Variants in SPOCK3 observed in about 807,000 individuals in gnomAD.
The protein encoded by SPOCK3 is testican-3.
A neutral mutation model predicts 56.6 loss-of-function variants in SPOCK3; 30 were observed. The observed-to-expected ratio is 0.53, with a 90% confidence interval of 0.40 to 0.72. The LOEUF (loss-of-function observed/expected upper bound fraction) is 0.72. Among genes scored for constraint, SPOCK3 ranks in the 30% least tolerant of loss-of-function variants. SPOCK3 has a pLI of 0.00. For missense variants in SPOCK3, 527 were observed against 530.0 expected, an observed-to-expected ratio of 0.99 and a Z score of 0.06; for synonymous variants, 196 against 183.3, an observed-to-expected ratio of 1.07 and a Z score of -0.56.
chr4:166,857,582 C>T (rs1730824570), intron 6 of SPOCK3, among the ~76,000 whole-genome samples: 1 of 152,074 alleles, frequency 6.6e-6, no homozygotes, highest in South Asian at 2.1e-4. Flanking sequence ...CATCTTCTTT[C>T]CTGCAACTGA....
At chr4:167,174,246 T>C (rs954701006) in intron 2 of SPOCK3, among the ~76,000 whole-genome samples, 1 of 152,006 alleles carries the variant, frequency 6.6e-6, no homozygotes, top group Non-Finnish European at 1.5e-5. Context: ...ATAAAGCAAA[T>C]AGCAATTTTA....
At chr4:166,867,112 TG>T (rs1054624943) in intron 6 of SPOCK3, among the ~76,000 whole-genome samples, 5 of 152,038 alleles carry the variant, frequency 3.3e-5, no homozygotes, top group African/African-American at 1.2e-4. Flanking sequence ...AGACATCTGA[TG>T]AAGGCATCAT....
chr4:167,147,998 G>A (rs1764116285), intron 2 of SPOCK3, among the ~76,000 whole-genome samples: 1 of 152,004 alleles, frequency 6.6e-6, no homozygotes, highest in African/African-American at 2.4e-5. Context: ...GAAAAATACT[G>A]CCGATAAAAC....
chr4:167,230,124 CT>C (rs923893566), intron 2 of SPOCK3, among the ~76,000 whole-genome samples: 2 of 151,348 alleles, frequency 1.3e-5, no homozygotes, highest in African/African-American at 2.4e-5. Flanking sequence ...CATATTTTAT[CT>C]TTTTTTGTCA....
chr4:167,121,888 TAA>T (rs1019681210), intron 2 of SPOCK3, among the ~76,000 whole-genome samples: 2 of 152,158 alleles, frequency 1.3e-5, no homozygotes, highest in African/African-American at 4.8e-5. Flanking sequence ...AAAACTATTA[TAA>T]GTGTCATACA....
At chr4:166,767,773 A>G (rs1472759715) in intron 7 of SPOCK3, among the ~76,000 whole-genome samples, 1 of 152,168 alleles carries the variant, frequency 6.6e-6, no homozygotes, top group African/African-American at 2.4e-5. Flanking sequence ...TGATCTGTCT[A>G]ATGTTGACAG....
At chr4:166,925,791 T>C (rs569961961) in intron 4 of SPOCK3, among the ~76,000 whole-genome samples, 34 of 152,232 alleles carry the variant, frequency 2.2e-4, no homozygotes, top group African/African-American at 7.2e-4. Flanking sequence ...CAACAAAATA[T>C]ACCTCAGAGT....
At chr4:166,940,105 C>A (rs1579724315) in intron 4 of SPOCK3, among the ~76,000 whole-genome samples, 1 of 152,080 alleles carries the variant, frequency 6.6e-6, no homozygotes, top group Non-Finnish European at 1.5e-5. Context: ...GTATAAGTCA[C>A]GCATGGTGAG....
intron 2 of SPOCK3, among the ~76,000 whole-genome samples, chr4:167,090,061 A>T (rs1758569897): frequency 6.6e-6 from 1 of 152,174 alleles, no homozygotes; most frequent in Non-Finnish European, 1.5e-5. Context: ...GTATGGGGTA[A>T]TTACGAACCA....
At chr4:166,914,321 T>C (rs1737604522) in intron 4 of SPOCK3, among the ~76,000 whole-genome samples, 1 of 152,148 alleles carries the variant, frequency 6.6e-6, no homozygotes, top group Admixed American at 6.5e-5. Context: ...TCATTCTCCT[T>C]TCCTAACACA....
intron 4 of SPOCK3, among the ~76,000 whole-genome samples, chr4:166,928,167 G>A (rs932126147): frequency 6.6e-6 from 1 of 152,154 alleles, no homozygotes; most frequent in Non-Finnish European, 1.5e-5. Flanking sequence ...AAACAGTTTG[G>A]CAGCTTCCTC....
At chr4:166,910,818 A>T (rs1302950614) in intron 5 of SPOCK3, among the ~76,000 whole-genome samples, 1 of 152,172 alleles carries the variant, frequency 6.6e-6, no homozygotes, top group Non-Finnish European at 1.5e-5. Context: ...ACTTAGGTGG[A>T]TGCCAGTAAA....
Position 166,780,108 on chromosome 4 carries a change from T to TATACTC in SPOCK3, c.709+12061_709+12062insGAGTAT, listed in dbSNP as rs1309156814. Among the ~76,000 whole-genome samples, 5 of 152,102 alleles carry TATACTC rather than the reference T, an allele frequency of 3.3e-5. No individual in the cohort carries two copies. In the East Asian group the frequency reaches 9.7e-4, roughly 29 times the overall value. Reference sequence around the variant, plus strand: ...AAATAAACAATAAGAAAAGTCTGAGTAATTAGCAAACCACAATTTTCTTGA... The same window carrying TATACTC: ...AAATAAACAATAAGAAAAGTCTGAGTATACTCAATTAGCAAACCACAATTTTCTTGA... On this transcript the variant is annotated intron_variant, in intron 7 of 10. Coordinates refer to ENST00000357545, the MANE Select transcript of SPOCK3 (RefSeq NM_001040159.2).
intron 4 of SPOCK3, among the ~76,000 whole-genome samples, chr4:166,957,544 C>A (rs1270005485): frequency 6.6e-6 from 1 of 152,162 alleles, no homozygotes; most frequent in African/African-American, 2.4e-5. Context: ...CCATCTTTGA[C>A]TCCTCTTTAT....
At chr4:166,832,716 G>T (rs1275694072) in intron 6 of SPOCK3, among the ~76,000 whole-genome samples, 1 of 152,180 alleles carries the variant, frequency 6.6e-6, no homozygotes, top group Non-Finnish European at 1.5e-5. Context: ...GGAATACTAT[G>T]CAGTCATGAA....
chr4:166,872,368 G>A lies in SPOCK3; in HGVS notation c.589+16762C>T, dbSNP rs1473471338. 5.3e-5 allele frequency among the ~76,000 whole-genome samples: 8 copies of A among 152,034 alleles called. No homozygotes were observed. In the East Asian group the frequency reaches 9.6e-4, roughly 18 times the overall value. ...GAAATTAATAAGCTAATTTAGCATC[G>A]TTGCAGGATATAAAGTGAGCCTCCT... On this transcript the variant is annotated intron_variant, in intron 6 of 10. Transcript: ENST00000357545.
intron 7 of SPOCK3, among the ~76,000 whole-genome samples, chr4:166,771,144 T>C (rs1579180133): frequency 6.6e-6 from 1 of 150,988 alleles, no homozygotes; most frequent in Non-Finnish European, 1.5e-5. Context: ...ATAGTAGCTA[T>C]TGTTTAAAAA....
intron 2 of SPOCK3, among the ~76,000 whole-genome samples, chr4:167,172,989 T>A (rs1249937155): frequency 6.6e-6 from 1 of 152,134 alleles, no homozygotes; most frequent in Non-Finnish European, 1.5e-5. Context: ...TTCTCTATAT[T>A]AATTAGGCTG....
At chr4:166,912,096 T>C (rs529460596) in intron 5 of SPOCK3, among the ~76,000 whole-genome samples, 3 of 152,168 alleles carry the variant, frequency 2.0e-5, no homozygotes, top group Non-Finnish European at 4.4e-5. Flanking sequence ...GGAACAACAA[T>C]GTAGAAGAGA....
Sources: allele counts gnomAD v4.1 joint callset (sites outside exome capture counted in the v4.1 genomes callset), GRCh38; gene constraint gnomAD v4.1.1; transcripts MANE v1.5; gene names NCBI Gene and HGNC (gene_info 2026-07-23, HGNC 2026-07-21).